TANC2: variants seen among roughly 807,000 people sequenced by gnomAD.
The protein encoded by TANC2 is protein TANC2.
A neutral mutation model predicts 210.5 loss-of-function variants in TANC2; 26 were observed. The observed-to-expected ratio is 0.12, with a 90% CI of 0.09 to 0.17. The LOEUF (loss-of-function observed/expected upper bound fraction) is 0.17. TANC2 is among the 10% of genes least tolerant of loss of function. The pLI, the probability that TANC2 is intolerant of heterozygous loss-of-function variation, is 1.00. For missense variants in TANC2, 2,129 were observed against 2,608.9 expected, an observed-to-expected ratio of 0.82 and a Z score of 4.01; for synonymous variants, 931 against 967.1, an observed-to-expected ratio of 0.96 and a Z score of 0.69.
rs1309017242 is a variant in TANC2, at chr17:63,421,881, C to G, written c.6151C>G (p.Leu2051Val). The G allele has an allele frequency of 2.5e-6, 4 of 1,613,886 alleles. No homozygotes were observed. The highest frequency in any genetic ancestry group is 3.4e-6 in the Non-Finnish European group (4 of 1,179,880). ...ATACCAGGACAACCTGTACAGGCAG[C>G]TGTCCCGAGACTCTCGGCAAGGGCA... is the stretch of plus-strand genomic sequence containing the variant. Residue 2051 changes from leucine (L) to valine (V), a missense_variant, in exon 28 of 28, where the codon CTG (leucine) becomes GTG (valine). Coordinates refer to ENST00000689528, the Ensembl canonical transcript of TANC2. The surrounding 1 kb of genome is among the most constrained non-coding windows in gnomAD (Gnocchi z 6.9).
chr17:62,982,914 C>A (rs2032375722), intron 1 of TANC2, among the ~76,000 whole-genome samples: 1 of 152,148 alleles, frequency 6.6e-6, no homozygotes, highest in Non-Finnish European at 1.5e-5. Context: ...CAACTTCGTT[C>A]TTTTTGCTCA....
intron 2 of TANC2, among the ~76,000 whole-genome samples, chr17:63,066,536 A>G (rs573229061): frequency 6.6e-6 from 1 of 152,224 alleles, no homozygotes; most frequent in Admixed American, 6.5e-5. Context: ...ATCTGTTTTG[A>G]GGAATGAGAA....
At chr17:63,335,796 A>G (rs1158095465) in intron 11 of TANC2, among the ~76,000 whole-genome samples, 1 of 152,174 alleles carries the variant, frequency 6.6e-6, no homozygotes, top group African/African-American at 2.4e-5. Context: ...AGTATTGCCA[A>G]TGTTAATTTC....
intron 2 of TANC2, among the ~76,000 whole-genome samples, chr17:63,048,835 A>T (rs1393765736): frequency 6.6e-6 from 1 of 152,120 alleles, no homozygotes; most frequent in East Asian, 1.9e-4. Flanking sequence ...GATCAGAAAA[A>T]ATAACTATTG....
intron 4 of TANC2, among the ~76,000 whole-genome samples, chr17:63,115,204 T>C (rs2038207574): frequency 1.3e-5 from 2 of 152,174 alleles, no homozygotes; most frequent in South Asian, 4.1e-4. Context: ...ACTTACTAGG[T>C]AGAAGAGATT....
intron 24 of TANC2, among the ~76,000 whole-genome samples, chr17:63,413,018 T>C (rs1292966022): frequency 3.9e-5 from 6 of 152,234 alleles, no homozygotes; most frequent in Non-Finnish European, 8.8e-5. Flanking sequence ...ACATTCGAAC[T>C]GTGCTCCTGC....
intron 15 of TANC2, among the ~76,000 whole-genome samples, chr17:63,386,791 A>G (rs2047793910): frequency 6.6e-6 from 1 of 152,190 alleles, no homozygotes; most frequent in Admixed American, 6.5e-5. Flanking sequence ...AATTTGTATT[A>G]TTTTTATAAT....
chr17:63,096,157 T>C (rs2037380621), intron 3 of TANC2, among the ~76,000 whole-genome samples: 1 of 152,086 alleles, frequency 6.6e-6, no homozygotes, highest in African/African-American at 2.4e-5. Context: ...GATATATTCA[T>C]GAAAGATTGG....
At position 63,110,098 on chromosome 17, in the gene TANC2, T is replaced by G. The variant is rs2037977413; in HGVS notation, c.322+10741T>G. On this transcript the variant is annotated intron_variant, in intron 4 of 27. Coordinates refer to ENST00000689528, the Ensembl canonical transcript of TANC2. Reference sequence around the variant, plus strand: ...TGAAATTACTCTTCCTTGTGACCCCTTATCAACTTTCAGTGAGCATTTTTT... The same window carrying G: ...TGAAATTACTCTTCCTTGTGACCCCGTATCAACTTTCAGTGAGCATTTTTT... Among the ~76,000 whole-genome samples, 3 of 151,748 alleles carry G rather than the reference T, an allele frequency of 2.0e-5. 1 individual carries two copies. Among genetic ancestry groups the G allele is most frequent in the Non-Finnish European group, 2.9e-5 (2 of 68,036 alleles).
At chr17:63,108,816 T>A (rs574614710) in intron 4 of TANC2, among the ~76,000 whole-genome samples, 3 of 150,898 alleles carry the variant, frequency 2.0e-5, no homozygotes, top group Admixed American at 6.6e-5. Context: ...TCAAAAAAAA[T>A]ATAAATAAAT....
At chr17:63,205,016 C>CAG (rs1315379364) in intron 7 of TANC2, among the ~76,000 whole-genome samples, 1 of 152,006 alleles carries the variant, frequency 6.6e-6, no homozygotes, top group Non-Finnish European at 1.5e-5. Flanking sequence ...ACCTGGGAGG[C>CAG]AGAGGTTGCA....
At chr17:63,358,393 GTGTGTGTGTGTGTGTGTGTA>G (rs1863552045) in intron 14 of TANC2, among the ~76,000 whole-genome samples, 1 of 151,588 alleles carries the variant, frequency 6.6e-6, no homozygotes, top group East Asian at 1.9e-4. Flanking sequence ...GTGTGTGTGT[GTGTGTGTGTGTGTGTGTGTA>G]TGTGTGTGTG....
intron 4 of TANC2, among the ~76,000 whole-genome samples, chr17:63,113,069 A>G (rs562609301): frequency 1.3e-5 from 2 of 152,210 alleles, no homozygotes; most frequent in South Asian, 2.1e-4. Flanking sequence ...GGGCTAAACA[A>G]TTTTGGCCAT....
At position 63,412,632 on chromosome 17, in the gene TANC2, ATTT is replaced by A; in HGVS notation, c.3899-41_3899-39del. ...CTTTTTTTTTTTTTCACCTTCATCC[ATTT>A]TTTTTTCCTCTCCTACAACTTTTTG... On this transcript the variant is annotated intron_variant, in intron 23 of 27. Transcript: ENST00000689528. The surrounding 1 kb of genome is among the most constrained non-coding windows in gnomAD (Gnocchi z 4.2). 7.3e-7 allele frequency: 1 copy of A among 1,373,116 alleles called. No individual in the cohort carries two copies. Among genetic ancestry groups the A allele is most frequent in the Non-Finnish European group, 9.6e-7 (1 of 1,036,364 alleles). The allele number at this position is 1,373,116 out of a possible 1,614,324, so 85.1% of individuals were successfully genotyped here.
chr17:63,375,611 T>C (rs191513173), intron 14 of TANC2, among the ~76,000 whole-genome samples: 141 of 152,348 alleles, frequency 9.3e-4, no homozygotes, highest in Non-Finnish European at 1.8e-3. Flanking sequence ...ATGAGTAACT[T>C]AAAGTAATAA....
At chr17:63,240,807 A>T (rs957969486) in intron 8 of TANC2, among the ~76,000 whole-genome samples, 2 of 152,158 alleles carry the variant, frequency 1.3e-5, no homozygotes, top group Non-Finnish European at 2.9e-5. Flanking sequence ...TTCCTCCTTC[A>T]TGAAACTTTC....
chr17:63,077,680 T>G (rs954112357), intron 3 of TANC2, among the ~76,000 whole-genome samples: 3 of 152,170 alleles, frequency 2.0e-5, no homozygotes, highest in African/African-American at 7.2e-5. Flanking sequence ...AAATAATGTG[T>G]AAGAAAGGAG....
chr17:63,212,417 G>C (rs2041914081), intron 7 of TANC2, among the ~76,000 whole-genome samples: 1 of 151,950 alleles, frequency 6.6e-6, no homozygotes, highest in Non-Finnish European at 1.5e-5. Context: ...AATAGCTATA[G>C]AAATATGTTC....
chr17:63,254,329 G>T (rs2043130683), intron 8 of TANC2, among the ~76,000 whole-genome samples: 1 of 151,812 alleles, frequency 6.6e-6, no homozygotes, highest in African/African-American at 2.4e-5. Context: ...TGTTGATTTT[G>T]TATCCTGCTA....
Sources: allele counts gnomAD v4.1 joint callset (sites outside exome capture counted in the v4.1 genomes callset), GRCh38; gene constraint gnomAD v4.1.1; non-coding constraint Gnocchi (gnomAD v3.1); transcripts MANE v1.5; gene names NCBI Gene and HGNC (gene_info 2026-07-23, HGNC 2026-07-21).